The following NLRP5 variants were observed in gnomAD, a reference collection of about 807,000 sequenced individuals.
NLRP5 encodes the protein NACHT, LRR and PYD domains-containing protein 5.
NLRP5 carries 93 observed loss-of-function variants against 113.1 expected under a neutral mutation model. That is an observed-to-expected ratio of 0.82 (90% CI 0.70 to 0.98). The LOEUF (loss-of-function observed/expected upper bound fraction) is 0.98. Ranked by LOEUF, NLRP5 falls within the 50% of genes least tolerant of loss-of-function variation. NLRP5 has a pLI of 0.00. For missense variants in NLRP5, 1,808 were observed against 1,514.3 expected (o/e 1.19, Z -3.22); for synonymous variants, 751 against 600.7 (o/e 1.25, Z -3.66).
chr19:55,990,562 C>A, the NLRP5 span, among the ~76,000 whole-genome samples: 1 of 151,892 alleles, frequency 6.6e-6, no homozygotes, highest in African/African-American at 2.4e-5. Context: ...CACGGTGGCT[C>A]ATGCCTGTAA....
In NLRP5 at chr19:56,056,662, A is replaced by G. The variant is rs1357728124; in HGVS notation, c.3300-1578A>G. On this transcript the variant is annotated intron_variant, in intron 13 of 14. Coordinates refer to ENST00000390649, the MANE Select transcript of NLRP5 (RefSeq NM_153447.4). ...CAATCATCCGTGTGCAGCACCTTAT[A>G]CCATCACTGATTTACCTCTCCCTTG... Among the ~76,000 whole-genome samples the G allele has an allele frequency of 1.1e-4, 16 of 152,308 alleles. No homozygotes were observed. The East Asian group carries it at 2.7e-3, about 26-fold the overall frequency.
Position 56,032,674 on chromosome 19 carries a change from C to G in NLRP5, c.2340C>G (p.His780Gln). The change falls in exon 8 of 15, where the codon CAC becomes CAG. Residue 780 changes from histidine to glutamine, a missense_variant. By Grantham distance (24) the His-to-Gln change is conservative. Transcript: ENST00000390649. ...ATTTCTGCTCCATGCTTGGCACCCA[C>G]CCACACCTGCGGCAGCTGGACCTGG... is the stretch of plus-strand genomic sequence containing the variant. 1.2e-6 allele frequency: 2 copies of G among 1,613,812 alleles called. No homozygotes were observed. Among genetic ancestry groups the G allele is most frequent in the South Asian group, 2.2e-5 (2 of 91,056 alleles).
At position 56,027,244 on chromosome 19, in the gene NLRP5, C is replaced by T; in HGVS notation, c.1011C>T (p.Ser337=). The T allele has an allele frequency of 1.2e-6, 2 of 1,612,684 alleles. No homozygotes were observed. Among genetic ancestry groups the T allele is most frequent in the South Asian group, 1.1e-5 (1 of 90,960 alleles). The stretch of plus-strand genomic sequence containing the variant: ...AGAGCAGTGTCACAGAGTTCATCTC[C>T]AGGGAGTGGCCAGACTCCCAGGCTC... Residue 337 remains serine (S), a synonymous_variant, in exon 7 of 15, where the codon TCC becomes TCT. Coordinates refer to ENST00000390649, the MANE Select transcript of NLRP5 (RefSeq NM_153447.4).
At chr19:56,001,324 T>TAAAA (rs751650915) in intron 1 of NLRP5, among the ~76,000 whole-genome samples, 30 of 120,648 alleles carry the variant, frequency 2.5e-4, no homozygotes, top group South Asian at 7.9e-4. Flanking sequence ...CTCAGTCATT[T>TAAAA]AAAAAAAAAA....
In NLRP5 at chr19:56,055,585, C is replaced by A. The variant is rs368931082; in HGVS notation, c.3299+1777C>A. On this transcript the variant is annotated intron_variant, in intron 13 of 14. Coordinates refer to ENST00000390649, the MANE Select transcript of NLRP5 (RefSeq NM_153447.4). ...TTTTAAGATAGAGTCTTGCTCTGTC[C>A]CCCAGGCTGGAGTGCAGTGGCGCGA... Among the ~76,000 whole-genome samples the A allele has an allele frequency of 4.9e-4, 61 of 124,546 alleles. 1 individual carries two copies. The highest frequency in any genetic ancestry group is 3.7e-3 in the East Asian group (17 of 4,546). 81.7% of individuals were successfully genotyped at this position (124,546 alleles called of 152,430 possible). A position where few individuals can be genotyped will look rare whatever the true frequency, so the allele number is the denominator to read the frequency against.
At chr19:56,034,817 C>CGTTG (rs60945822) in intron 9 of NLRP5, among the ~76,000 whole-genome samples, 26 of 152,072 alleles carry the variant, frequency 1.7e-4, no homozygotes, top group African/African-American at 2.9e-4. Flanking sequence ...TCCAGGGACA[C>CGTTG]GTTGGTTGGT....
chr19:55,992,056 G>C, the NLRP5 span, among the ~76,000 whole-genome samples: 1 of 151,864 alleles, frequency 6.6e-6, no homozygotes, highest in Non-Finnish European at 1.5e-5. Context: ...CAGTATCTGT[G>C]GTTCCCCTCT....
At chr19:56,018,005 T>C (rs1163452862) in intron 4 of NLRP5, among the ~76,000 whole-genome samples, 1 of 152,186 alleles carries the variant, frequency 6.6e-6, no homozygotes, top group Non-Finnish European at 1.5e-5. Context: ...GATCATATGG[T>C]CTCTACCCGT....
At chr19:56,012,855 GTGTT>G (rs1235302934) in intron 3 of NLRP5, among the ~76,000 whole-genome samples, 5 of 152,168 alleles carry the variant, frequency 3.3e-5, no homozygotes, top group African/African-American at 1.2e-4. Context: ...TTTGGCGTCT[GTGTT>G]TGAGTGAACT....
rs367750688 is a variant in NLRP5 at position 56,003,705 on chromosome 19, C to G, written c.63-11C>G. 2.3e-5 allele frequency: 36 copies of G among 1,570,066 alleles called. No homozygotes were observed. The highest frequency in any genetic ancestry group is 2.8e-5 in the Non-Finnish European group (33 of 1,160,094). On this transcript the variant is annotated splice_polypyrimidine_tract_variant and intron_variant, in intron 1 of 14. Coordinates refer to ENST00000390649, the MANE Select transcript of NLRP5 (RefSeq NM_153447.4). ...TCTACTTGAGAATTTGCTGCAAGAT[C>G]CTCTTTTAAGTCTTGTCACTCTTTC...
At chr19:56,031,427 G>A (rs905182692) in intron 7 of NLRP5, among the ~76,000 whole-genome samples, 25 of 152,034 alleles carry the variant, frequency 1.6e-4, no homozygotes, top group African/African-American at 5.3e-4. Context: ...TCAGGAGTTT[G>A]AGACCAGCCT....
chr19:56,000,859 A>T (rs1405534368), intron 1 of NLRP5, among the ~76,000 whole-genome samples: 1 of 151,642 alleles, frequency 6.6e-6, no homozygotes, highest in East Asian at 2.0e-4. Flanking sequence ...CACAAAAATT[A>T]GCCAGGCCTG....
upstream of NLRP5, among the ~76,000 whole-genome samples, chr19:55,997,162 T>C (rs74783272): frequency 0.28 from 41,869 of 151,804 alleles, 5,915 homozygotes; most frequent in African/African-American, 0.32. Context: ...TCATATCCTT[T>C]GCCCACTTTT....
At chr19:55,996,997 G>C (rs1200776837), upstream of NLRP5, among the ~76,000 whole-genome samples, 1 of 149,058 alleles carries the variant, frequency 6.7e-6, no homozygotes, top group Non-Finnish European at 1.5e-5. Flanking sequence ...TCTAGCACCT[G>C]TTGTTTCCTG....
chr19:56,013,596 G>GTTTTTTTTTGTTTTTTTT (rs1555765384), intron 3 of NLRP5, among the ~76,000 whole-genome samples: 1 of 59,284 alleles, frequency 1.7e-5, no homozygotes, highest in Non-Finnish European at 2.9e-5. Context: ...GGACATTTGG[G>GTTTTTTTTTGTTTTTTTT]TTTTTTTTTT....
At chr19:55,993,619 T>C in the NLRP5 span, among the ~76,000 whole-genome samples, 3 of 10,116 alleles carry the variant, frequency 3.0e-4, no homozygotes, top group Non-Finnish European at 7.0e-4. Context: ...CCCTCTCCCC[T>C]CTCCCTCCTC....
chr19:56,037,637 G>T lies in NLRP5; in HGVS notation c.2616-388G>T, dbSNP rs966200228. 2.7e-5 allele frequency among the ~76,000 whole-genome samples: 4 copies of T among 149,474 alleles called. No homozygotes were observed. The Admixed American group carries it at 2.7e-4, about 10-fold the overall frequency. ...CAATCCGGGAGATGGAGATTGCAGT[G>T]AGCCAAGATTGCGCCACTGCACTCC... On this transcript the variant is annotated intron_variant, in intron 9 of 14. Transcript: ENST00000390649.
In NLRP5 at chr19:56,027,648, C is replaced by T; in HGVS notation, c.1415C>T (p.Ala472Val). ...CTGCTCGACCAGTGCCAGGTGCCCG[C>T]CGTGGGCTCTCTCATCTGCGTGGCC... is the stretch of plus-strand genomic sequence containing the variant. Residue 472 changes from alanine (A) to valine (V), a missense_variant, in exon 7 of 15, where the codon GCC becomes GTC. By Grantham distance (64) the Ala-to-Val change is moderately conservative. Transcript: ENST00000390649. 3 of 1,613,470 alleles carry T rather than the reference C, an allele frequency of 1.9e-6. No individual in the cohort carries two copies. The highest frequency in any genetic ancestry group is 2.5e-6 in the Non-Finnish European group (3 of 1,179,886).
chr19:56,043,838 A>C, intron 11 of NLRP5, among the ~76,000 whole-genome samples: 1 of 151,036 alleles, frequency 6.6e-6, no homozygotes, highest in Non-Finnish European at 1.5e-5. Context: ...CAGCCTCCCA[A>C]AGTGCTGGGA....
Sources: allele counts gnomAD v4.1 joint callset (sites outside exome capture counted in the v4.1 genomes callset), GRCh38; gene constraint gnomAD v4.1.1; transcripts MANE v1.5; gene names NCBI Gene and HGNC (gene_info 2026-07-23, HGNC 2026-07-21).